AQR: variants seen among roughly 807,000 people sequenced by gnomAD.
AQR encodes the protein RNA helicase aquarius.
A neutral mutation model predicts 180.5 loss-of-function variants in AQR; 61 were observed. The observed-to-expected ratio is 0.34, with a 90% CI of 0.28 to 0.42. AQR has a LOEUF of 0.42. AQR is among the 10% of genes least tolerant of loss of function. The probability of loss-of-function intolerance (pLI) is 1.00; values close to 1 mark genes in which losing one functional copy is unlikely to be tolerated. For synonymous variants in AQR, 551 were observed against 588.8 expected, an observed-to-expected ratio of 0.94 and a Z score of 0.93; for missense variants, 1,281 against 1,798.3, an observed-to-expected ratio of 0.71 and a Z score of 5.20.
intron 11 of AQR, among the ~76,000 whole-genome samples, chr15:34,930,903 C>A (rs936140816): frequency 1.4e-5 from 2 of 142,794 alleles, no homozygotes; most frequent in Non-Finnish European, 3.0e-5. Flanking sequence ...GTGGTGCGAT[C>A]TCGGCTCACT....
intron 16 of AQR, 44 bp downstream of exon 16, chr15:34,914,994 C>A: frequency 1.9e-6 from 3 of 1,543,322 alleles, no homozygotes; most frequent in Non-Finnish European, 2.6e-6. Flanking sequence ...GTTTATCAGT[C>A]ACTGTTTGCA....
chr15:34,894,538 T>A (rs1415884405), intron 22 of AQR, among the ~76,000 whole-genome samples: 4 of 152,166 alleles, frequency 2.6e-5, no homozygotes, highest in Non-Finnish European at 5.9e-5. Flanking sequence ...CAGAAAATGC[T>A]ACCAGAGGAA....
rs1469680837 is a variant in AQR at position 34,969,531 on chromosome 15, G to A, written c.75+8C>T. 1.2e-6 allele frequency: 2 copies of A among 1,613,452 alleles called. No homozygotes were observed. The highest frequency in any genetic ancestry group is 2.2e-5 in the East Asian group (1 of 44,864). ...CCACTCACACACACCAGACTCGCCC[G>A]AGCTCACCTGGGTCACGAACTCCGC... is the stretch of plus-strand genomic sequence containing the variant. On this transcript the variant is annotated splice_region_variant and intron_variant, in intron 1 of 34. Transcript: ENST00000156471.
intron 13 of AQR, among the ~76,000 whole-genome samples, chr15:34,924,954 A>T (rs1018690079): frequency 1.3e-5 from 2 of 151,722 alleles, no homozygotes; most frequent in East Asian, 1.9e-4. Context: ...AAGTATTTTT[A>T]AAATATAGGA....
rs776450538 is a variant in AQR at position 34,938,780 on chromosome 15, G to C, written c.675C>G (p.Leu225=). ...TCAGCACAGAGATAAACTTCTGGAT[G>C]AGTTGTGAAAGAAATCTCCTCTCTT... The part of the protein sequence containing the change: ...AYQERRFLSQ[L]IQKFISVLKS... The change falls in exon 9 of 35, where the codon CTC becomes CTG. Residue 225 remains leucine (L), a synonymous_variant. Transcript: ENST00000156471. 2 of 1,609,674 alleles carry C rather than the reference G, an allele frequency of 1.2e-6. No individual in the cohort carries two copies. The highest frequency in any genetic ancestry group is 1.3e-5 in the African/African-American group (1 of 74,846).
Position 34,946,097 on chromosome 15 carries a change from C to T in AQR, c.331-1669G>A, listed in dbSNP as rs554123317. 2.6e-4 allele frequency among the ~76,000 whole-genome samples: 39 copies of T among 152,092 alleles called. No homozygotes were observed. In the South Asian group the frequency reaches 8.1e-3, roughly 32 times the overall value. On this transcript the variant is annotated intron_variant, in intron 5 of 34. Coordinates refer to ENST00000156471, the MANE Select transcript of AQR (RefSeq NM_014691.3). ...ACCAGCCTGGCCAATATGGTGAAAC[C>T]CCATCTCTACTAAAAATACAACAAT...
intron 30 of AQR, among the ~76,000 whole-genome samples, chr15:34,873,308 T>C (rs144492298): frequency 1.0e-3 from 152 of 152,280 alleles, no homozygotes; most frequent in African/African-American, 3.1e-3. Context: ...CCTACTAGCA[T>C]TGTATGAGAA....
Position 34,963,765 on chromosome 15 carries a change from G to A in AQR, c.132+469C>T, listed in dbSNP as rs570005713. On this transcript the variant is annotated intron_variant, in intron 2 of 34. Transcript: ENST00000156471. Reference sequence around the variant, plus strand: ...TGCACGCTCCGCCTCCCAGGTTCACGCCATTCTCCTGCCTCAGCCTCCCGA... The same window carrying A: ...TGCACGCTCCGCCTCCCAGGTTCACACCATTCTCCTGCCTCAGCCTCCCGA... 5.3e-5 allele frequency among the ~76,000 whole-genome samples: 8 copies of A among 150,568 alleles called. 1 individual carries two copies. Among genetic ancestry groups the A allele is most frequent in the African/African-American group, 2.0e-4 (8 of 40,122 alleles).
chr15:34,928,012 C>T (rs530760680), intron 12 of AQR, among the ~76,000 whole-genome samples: 302 of 152,284 alleles, frequency 2.0e-3, no homozygotes, highest in African/African-American at 6.6e-3. Flanking sequence ...TGATGCCTTG[C>T]CTGTGTCAAT....
At chr15:34,862,802 T>C in intron 33 of AQR, 65 bp downstream of exon 33, 1 of 1,547,728 alleles carries the variant, frequency 6.5e-7, no homozygotes, top group Admixed American at 1.7e-5. Flanking sequence ...TGTGGTCACC[T>C]ATAAGAAAAT....
At chr15:34,942,737 A>C (rs1894044955) in intron 6 of AQR, among the ~76,000 whole-genome samples, 1 of 152,242 alleles carries the variant, frequency 6.6e-6, no homozygotes. Context: ...CTATGTATTG[A>C]TAGTTTGTAA....
intron 2 of AQR, 38 bp downstream of exon 2, chr15:34,964,196 A>T: frequency 7.0e-7 from 1 of 1,421,624 alleles, no homozygotes. Flanking sequence ...AAAGGAGTGT[A>T]ACTTCTCAAG....
chr15:34,947,982 G>A (rs1045433787), intron 5 of AQR, among the ~76,000 whole-genome samples: 1 of 152,248 alleles, frequency 6.6e-6, no homozygotes, highest in Middle Eastern at 3.4e-3. Flanking sequence ...AGCTCCTGAT[G>A]TAAGTTGTTA....
At chr15:34,923,065 T>C (rs1156670797) in intron 13 of AQR, among the ~76,000 whole-genome samples, 3 of 152,206 alleles carry the variant, frequency 2.0e-5, no homozygotes, top group African/African-American at 7.2e-5. Context: ...CTGGAAATAG[T>C]TAAGTATAGT....
At chr15:34,948,480 T>A (rs929791782) in intron 4 of AQR, 96 bp from the exon 5 acceptor site, 2 of 1,443,166 alleles carry the variant, frequency 1.4e-6, no homozygotes, top group African/African-American at 2.9e-5. Flanking sequence ...TACAACTTTC[T>A]GAAAATATTT....
At chr15:34,958,427 G>T (rs1420306942) in intron 3 of AQR, among the ~76,000 whole-genome samples, 2 of 151,920 alleles carry the variant, frequency 1.3e-5, no homozygotes, top group African/African-American at 4.8e-5. Flanking sequence ...AAGGTTGGGG[G>T]ATCACTTGAG....
intron 31 of AQR, chr15:34,868,841 C>T (rs1595781169): frequency 6.6e-6 from 1 of 152,258 alleles, no homozygotes; most frequent in East Asian, 1.9e-4. Flanking sequence ...GAAATTCATA[C>T]CTTTTTGAGT....
Position 34,964,220 on chromosome 15 carries a change from C to A in AQR, c.132+14G>T. On this transcript the variant is annotated intron_variant, in intron 2 of 34. Coordinates refer to ENST00000156471, the MANE Select transcript of AQR (RefSeq NM_014691.3). ...TAACTTCTCAAGAATTATGTTGAAA[C>A]CAAAAATACTTACCTTTATATCAAA... 6.3e-7 allele frequency: 1 copy of A among 1,581,652 alleles called. No individual in the cohort carries two copies. Among genetic ancestry groups the A allele is most frequent in the Non-Finnish European group, 8.7e-7 (1 of 1,153,478 alleles).
intron 19 of AQR, 142 bp downstream of exon 19, chr15:34,904,192 TAA>T (rs1235389076): frequency 2.1e-6 from 1 of 472,520 alleles, no homozygotes; most frequent in Non-Finnish European, 3.5e-6. Context: ...GTTAAAAGTT[TAA>T]GAGGATTGCT....
Sources: gnomAD v4.1 joint callset for allele counts (sites outside exome capture counted in the v4.1 genomes callset) on GRCh38, gnomAD v4.1.1 for gene constraint, MANE v1.5 for transcripts, NCBI Gene and HGNC (gene_info 2026-07-23, HGNC 2026-07-21) for gene names.